Variants in NUBP1 observed in about 807,000 individuals in gnomAD.
NUBP1 encodes the protein NUBP iron-sulfur cluster assembly factor 1, cytosolic.
NUBP1 carries 46 observed loss-of-function variants against 41.8 expected under a neutral mutation model. The ratio of observed to expected loss-of-function variants is 1.10; its 90% CI spans 0.87 to 1.41. The LOEUF (loss-of-function observed/expected upper bound fraction) is 1.41. NUBP1 is among the 40% of genes most tolerant of loss of function. The pLI, the probability that NUBP1 is intolerant of heterozygous loss-of-function variation, is 0.00. For missense variants in NUBP1, 494 were observed against 414.0 expected, an observed-to-expected ratio of 1.19 and a Z score of -1.68; for synonymous variants, 189 against 154.6, an observed-to-expected ratio of 1.22 and a Z score of -1.65.
At position 10,766,743 on chromosome 16, in the gene NUBP1, T is replaced by G. The variant is rs2030939482; in HGVS notation, c.821-1206T>G. The G allele has an allele frequency of 2.5e-6, 1 of 394,556 alleles. No individual in the cohort carries two copies. The highest frequency in any genetic ancestry group is 4.5e-6 in the Non-Finnish European group (1 of 224,016). 24.4% of individuals were successfully genotyped at this position (394,556 alleles called of 1,614,324 possible). ...CCACGGTGTGGGAGGAGAACGGGCC[T>G]GAGAATAGGGGCTCAAAGGCCCCAT... On this transcript the variant is annotated intron_variant, in intron 9 of 10. Transcript: ENST00000283027. The surrounding 1 kb of genome is among the most constrained non-coding windows in gnomAD (Gnocchi z 4.8).
chr16:10,768,094 C>T lies in NUBP1; in HGVS notation c.904+62C>T. On this transcript the variant is annotated intron_variant, in intron 10 of 10. Coordinates refer to ENST00000283027, the MANE Select transcript of NUBP1 (RefSeq NM_002484.4). The surrounding 1 kb of genome is among the most constrained non-coding windows in gnomAD (Gnocchi z 4.3). ...TGGGGCAGGAAGCAACATAAAGGAGCCAGGGGTGTGGAAGGACAGGTGGGT... is the reference window on the plus strand; with the variant it reads ...TGGGGCAGGAAGCAACATAAAGGAGTCAGGGGTGTGGAAGGACAGGTGGGT... The T allele has an allele frequency of 1.3e-6, 2 of 1,522,410 alleles. No individual in the cohort carries two copies. Among genetic ancestry groups the T allele is most frequent in the East Asian group, 2.3e-5 (1 of 44,362 alleles). 94.3% of individuals were successfully genotyped at this position (1,522,410 alleles called of 1,614,324 possible).
Position 10,767,114 on chromosome 16 carries a change from G to A in NUBP1, c.821-835G>A, listed in dbSNP as rs2030996995. ...TCACCTGAGGCTGGTGACCGGCCAT[G>A]GGCAGTGCAGTCACTTGCCTGTTTC... On this transcript the variant is annotated intron_variant, in intron 9 of 10. Transcript: ENST00000283027. The surrounding 1 kb of genome is among the most constrained non-coding windows in gnomAD (Gnocchi z 4.6). 5.0e-6 allele frequency: 2 copies of A among 398,856 alleles called. No individual in the cohort carries two copies. Among genetic ancestry groups the A allele is most frequent in the Admixed American group, 4.4e-5 (1 of 22,722 alleles). The allele number at this position is 398,856 out of a possible 1,614,324, so 24.7% of individuals were successfully genotyped here. A position where few individuals can be genotyped will look rare whatever the true frequency, so the allele number is the denominator to read the frequency against.
In NUBP1 at chr16:10,757,980, C is replaced by G; in HGVS notation, c.559C>G (p.Leu187Val). The change falls in exon 7 of 11, where the codon CTG becomes GTG. Residue 187 changes from leucine (L) to valine (V), a missense_variant. Coordinates refer to ENST00000283027, the MANE Select transcript of NUBP1 (RefSeq NM_002484.4). The surrounding 1 kb of genome is among the most constrained non-coding windows in gnomAD (Gnocchi z 4.1). The part of the protein sequence containing the change: ...SDEHLSVVRY[L>V]ATAHIDGAVI... ...TGAACACCTCTCGGTCGTCCGGTACCTGGCCACAGCACACATCGATGGAGC... is the reference window on the plus strand; with the variant it reads ...TGAACACCTCTCGGTCGTCCGGTACGTGGCCACAGCACACATCGATGGAGC... The G allele has an allele frequency of 6.2e-7, 1 of 1,614,140 alleles. No individual in the cohort carries two copies. The highest frequency in any genetic ancestry group is 8.5e-7 in the Non-Finnish European group (1 of 1,180,030).
At chr16:10,761,030 T>G (rs1596463313) in intron 7 of NUBP1, 1 of 220,772 alleles carries the variant, frequency 4.5e-6, no homozygotes, top group Non-Finnish European at 9.2e-6. Flanking sequence ...GTGGCAGCAG[T>G]GAGAGAGAGA....
chr16:10,761,817 G>A lies in NUBP1; in HGVS notation c.778G>A (p.Glu260Lys). The change falls in exon 9 of 11, where the codon GAG (glutamate) becomes AAG (lysine). Residue 260 changes from glutamate to lysine, a missense_variant. By Grantham distance (56) the Glu-to-Lys change is moderately conservative. Transcript: ENST00000283027. ...CGCGGAGCTCATGTGCCAGGACTTG[G>A]AGGTCCCTCTCCTCGGCAGAGTGCC... is the stretch of plus-strand genomic sequence containing the variant. The part of the protein sequence containing the change: ...GGAELMCQDL[E>K]VPLLGRVPLD... 1 of 1,614,084 alleles carries A rather than the reference G, an allele frequency of 6.2e-7. No homozygotes were observed. The highest frequency in any genetic ancestry group is 1.1e-5 in the South Asian group (1 of 91,078).
Position 10,768,118 on chromosome 16 carries a change from G to A in NUBP1, c.904+86G>A. On this transcript the variant is annotated intron_variant, in intron 10 of 10. Transcript: ENST00000283027. The surrounding 1 kb of genome is among the most constrained non-coding windows in gnomAD (Gnocchi z 4.3). ...GCCAGGGGTGTGGAAGGACAGGTGG[G>A]TGGTGGGGTCTGTGATGACCACAGA... 1.5e-6 allele frequency: 2 copies of A among 1,317,566 alleles called. No homozygotes were observed. The highest frequency in any genetic ancestry group is 2.9e-5 in the African/African-American group (2 of 68,978). The allele number at this position is 1,317,566 out of a possible 1,614,324, so 81.6% of individuals were successfully genotyped here. A position where few individuals can be genotyped will look rare whatever the true frequency, so the allele number is the denominator to read the frequency against.
rs1391508033 is a variant in NUBP1, at chr16:10,759,771, G to C, written c.607-1593G>C. On this transcript the variant is annotated intron_variant, in intron 7 of 10. Coordinates refer to ENST00000283027, the MANE Select transcript of NUBP1 (RefSeq NM_002484.4). The surrounding 1 kb of genome is among the most constrained non-coding windows in gnomAD (Gnocchi z 4.7). ...AGCCTGGGCGACAGAGCAAGACTCT[G>C]TCTCAAAAAAAGAAAGAAAGAAATG... Among the ~76,000 whole-genome samples the C allele has an allele frequency of 6.6e-6, 1 of 152,144 alleles. No individual in the cohort carries two copies.
At chr16:10,761,167 G>A in intron 7 of NUBP1, 197 bp from the exon 8 acceptor site, 1 of 495,874 alleles carries the variant, frequency 2.0e-6, no homozygotes, top group South Asian at 2.1e-5. Context: ...GCCTGTTCCT[G>A]TAGGGATGTA....
At position 10,768,663 on chromosome 16, in the gene NUBP1, G is replaced by A. The variant is rs149667981; in HGVS notation, c.905-384G>A. On this transcript the variant is annotated intron_variant, in intron 10 of 10. Transcript: ENST00000283027. This position sits in a 1 kb window ranked among gnomAD's most constrained non-coding sequence, Gnocchi z 4.3. ...TTGAGCCAGACCAAACCCACGTGCA[G>A]GCCACATTCAGCCAGTGGCAGCCAT... 9.4e-4 allele frequency: 188 copies of A among 200,630 alleles called. 2 individuals are homozygous for A. The highest frequency in any genetic ancestry group is 3.6e-3 in the African/African-American group (156 of 43,234). The allele number at this position is 200,630 out of a possible 1,614,324, so 12.4% of individuals were successfully genotyped here. A position where few individuals can be genotyped will look rare whatever the true frequency, so the allele number is the denominator to read the frequency against.
Position 10,759,353 on chromosome 16 carries a change from A to G in NUBP1, c.606+1326A>G, listed in dbSNP as rs1363521422. ...CCCTGGCATCCTGCAGAGAGGGGAC[A>G]TGGGGACGCAAGGAGGAGCAGGACA... On this transcript the variant is annotated intron_variant, in intron 7 of 10. Coordinates refer to ENST00000283027, the MANE Select transcript of NUBP1 (RefSeq NM_002484.4). This position sits in a 1 kb window ranked among gnomAD's most constrained non-coding sequence, Gnocchi z 4.7. 6.6e-6 allele frequency among the ~76,000 whole-genome samples: 1 copy of G among 152,240 alleles called. No homozygotes were observed. Among genetic ancestry groups the G allele is most frequent in the African/African-American group, 2.4e-5 (1 of 41,464 alleles).
At chr16:10,752,213 G>C (rs1900349540) in intron 3 of NUBP1, among the ~76,000 whole-genome samples, 1 of 152,226 alleles carries the variant, frequency 6.6e-6, no homozygotes, top group Admixed American at 6.5e-5. Flanking sequence ...AAAGAGAGCT[G>C]TTTAGGGTGG....
At position 10,756,267 on chromosome 16, in the gene NUBP1, T is replaced by A. The variant is rs1391061795; in HGVS notation, c.361-423T>A. Among the ~76,000 whole-genome samples, 3 of 152,224 alleles carry A rather than the reference T, an allele frequency of 2.0e-5. No individual in the cohort carries two copies. The East Asian group carries it at 5.8e-4, about 29-fold the overall frequency. On this transcript the variant is annotated intron_variant, in intron 5 of 10. Coordinates refer to ENST00000283027, the MANE Select transcript of NUBP1 (RefSeq NM_002484.4). Reference sequence around the variant, plus strand: ...GGTGGCACGCGCCTGTAACACTGGCTACTCGGGAGGCTGAGGCAGGAGAAT... The same window carrying A: ...GGTGGCACGCGCCTGTAACACTGGCAACTCGGGAGGCTGAGGCAGGAGAAT...
intron 3 of NUBP1, among the ~76,000 whole-genome samples, chr16:10,751,147 T>A (rs777755659): frequency 1.9e-4 from 29 of 152,030 alleles, no homozygotes; most frequent in Non-Finnish European, 3.4e-4. Context: ...TATCCTTACA[T>A]CATTTCGCTC....
rs963499840 is a variant in NUBP1, at chr16:10,759,831, G to A, written c.607-1533G>A. Among the ~76,000 whole-genome samples, 2 of 152,196 alleles carry A rather than the reference G, an allele frequency of 1.3e-5. No homozygotes were observed. Among genetic ancestry groups the A allele is most frequent in the African/African-American group, 4.8e-5 (2 of 41,452 alleles). Reference sequence around the variant, plus strand: ...GTCGCAGCCCATTGACTTTCTAGCTGAGCGCCCCTTCCTCCGCATCCCAGC... The same window carrying A: ...GTCGCAGCCCATTGACTTTCTAGCTAAGCGCCCCTTCCTCCGCATCCCAGC... On this transcript the variant is annotated intron_variant, in intron 7 of 10. Transcript: ENST00000283027. The surrounding 1 kb of genome is among the most constrained non-coding windows in gnomAD (Gnocchi z 4.7).
At chr16:10,761,277 A>ACTGCATTGT in intron 7 of NUBP1, 87 bp from the exon 8 acceptor site, 1 of 1,207,908 alleles carries the variant, frequency 8.3e-7, no homozygotes. Flanking sequence ...TCGCAGATCC[A>ACTGCATTGT]CTGCATTGCA....
In NUBP1 at chr16:10,743,946, C is replaced by T. The variant is rs2233530; in HGVS notation, c.20-15C>T. 1.4e-4 allele frequency: 227 copies of T among 1,592,136 alleles called. 1 individual carries two copies. The African/African-American group carries it at 2.9e-3, about 20-fold the overall frequency. ...TGTCGGGAGCTGCTCTAACTGTGGT[C>T]TTGTCTCTGCGCAGACTGTCCAGGG... On this transcript the variant is annotated splice_polypyrimidine_tract_variant and intron_variant, in intron 1 of 10. Transcript: ENST00000283027.
rs1004614886 is a variant in NUBP1 at position 10,757,911 on chromosome 16, G to A, written c.490G>A (p.Glu164Lys). The change falls in exon 7 of 11, where the codon GAG (glutamate) becomes AAG (lysine). Residue 164 changes from glutamate to lysine, a missense_variant. Physicochemically the swap from Glu to Lys is moderately conservative, Grantham distance 56 (BLOSUM62 1). Coordinates refer to ENST00000283027, the MANE Select transcript of NUBP1 (RefSeq NM_002484.4). The surrounding 1 kb of genome is among the most constrained non-coding windows in gnomAD (Gnocchi z 4.1). Reference protein sequence around the residue: ...KQFLRDVDWGEVDYLIVDTPP... With the variant: ...KQFLRDVDWGKVDYLIVDTPP... ...GTTCCTCCGAGATGTGGACTGGGGA[G>A]AGGTCGACTACCTCATTGTGGACAC... is the stretch of plus-strand genomic sequence containing the variant. 9.3e-6 allele frequency: 15 copies of A among 1,614,006 alleles called. No homozygotes were observed. In the African/African-American group the frequency reaches 1.7e-4, roughly 19 times the overall value.
rs1309069493 is a variant in NUBP1 at position 10,761,455 on chromosome 16, T to G, written c.698T>G (p.Phe233Cys). 1 of 1,614,022 alleles carries G rather than the reference T, an allele frequency of 6.2e-7. No homozygotes were observed. Residue 233 changes from phenylalanine to cysteine, a missense_variant, in exon 8 of 11, where the codon TTC becomes TGC. Physicochemically the swap from Phe to Cys is radical, Grantham distance 205. Coordinates refer to ENST00000283027, the MANE Select transcript of NUBP1 (RefSeq NM_002484.4). ...IIGVVENMSGFICPKCKKESQ... is the reference protein window; with the variant it reads ...IIGVVENMSGCICPKCKKESQ... ...GGGGTGGTGGAGAACATGAGTGGCT[T>G]CATCTGTCCTAAGTGCAAGGTGAGG...
At chr16:10,751,129 G>C (rs1324721741) in intron 3 of NUBP1, among the ~76,000 whole-genome samples, 1 of 152,140 alleles carries the variant, frequency 6.6e-6, no homozygotes, top group African/African-American at 2.4e-5. Flanking sequence ...CGCTGGATCT[G>C]CTTCTCATAT....
Sources: gnomAD v4.1 joint callset for allele counts (sites outside exome capture counted in the v4.1 genomes callset) on GRCh38, gnomAD v4.1.1 for gene constraint, Gnocchi (gnomAD v3.1) non-coding constraint, MANE v1.5 for transcripts, NCBI Gene and HGNC (gene_info 2026-07-23, HGNC 2026-07-21) for gene names.